Variants in CDKL5 observed in about 807,000 individuals in gnomAD.
CDKL5 encodes the protein cyclin-dependent kinase-like 5.
Under a neutral mutation model 61.7 loss-of-function variants are expected in CDKL5, and 8 were observed. The observed-to-expected ratio is 0.13, with a 90% CI of 0.08 to 0.23. The LOEUF (loss-of-function observed/expected upper bound fraction) is 0.23. Ranked by LOEUF, CDKL5 falls within the 10% of genes least tolerant of loss-of-function variation. CDKL5 has a pLI of 1.00. For synonymous variants in CDKL5, 275 were observed against 272.3 expected (o/e 1.01, Z -0.10); for missense variants, 440 against 734.5 (o/e 0.60, Z 4.63).
chrX:18,590,911 C>T (rs773295252), intron 9 of CDKL5, among the ~76,000 whole-genome samples: 2 of 111,709 alleles, frequency 1.8e-5, no homozygotes, highest in Non-Finnish European at 3.8e-5. Context: ...TGAGACCTTG[C>T]CTGACCTCAT....
chrX:18,646,721 C>T (rs1436125709), intron 20 of CDKL5, among the ~76,000 whole-genome samples: 1 of 111,036 alleles, frequency 9.0e-6, no homozygotes. Flanking sequence ...CTGGAGGTAT[C>T]ATCCCGACTC....
chrX:18,480,857 CTTTTTTTT>C (rs200858035), intron 1 of CDKL5, among the ~76,000 whole-genome samples: 3 of 96,621 alleles, frequency 3.1e-5, no homozygotes, highest in Admixed American at 1.1e-4. Context: ...TTCTTTCTTC[CTTTTTTTT>C]TTTTTTTTTG....
rs911838999 is a variant in CDKL5, at chrX:18,604,004, C to T, written c.1080C>T (p.Leu360=). Residue 360 remains leucine (L), a synonymous_variant, in exon 12 of 18, where the codon CTC becomes CTT. Transcript: ENST00000623535. ...SVGLPRADEG[L]PANESFLNGN... ...GCCTGCCCCGGGCTGACGAAGGTCT[C>T]CCTGCCAATGAAAGCTTCCTAAATG... 11 of 1,209,227 alleles carry T rather than the reference C, an allele frequency of 9.1e-6. No homozygotes were observed. Among genetic ancestry groups the T allele is most frequent in the Non-Finnish European group, 1.2e-5 (11 of 895,061 alleles).
rs2147181950 is a variant in CDKL5 at position 18,632,840 on chromosome X, A to G, written c.*4083A>G. On this transcript the variant is annotated 3_prime_UTR_variant, in exon 18 of 18. Transcript: ENST00000623535. ...AGCCCCTCTTAGTTAAGATCATAGTATCCTCACTTCTTAAACTAGTCTTTA... is the reference window on the plus strand; with the variant it reads ...AGCCCCTCTTAGTTAAGATCATAGTGTCCTCACTTCTTAAACTAGTCTTTA... 1.3e-6 allele frequency: 1 copy of G among 751,985 alleles called. No homozygotes were observed. 62.0% of individuals were successfully genotyped at this position (751,985 alleles called of 1,213,427 possible).
intron 3 of CDKL5, among the ~76,000 whole-genome samples, chrX:18,518,380 C>CTTTTTTTTTTTT (rs1923102920): frequency 4.2e-5 from 1 of 23,539 alleles, no homozygotes; most frequent in Admixed American, 4.6e-4. Flanking sequence ...GTTTTCTTTT[C>CTTTTTTTTTTTT]TTTTCTTATT....
chrX:18,578,831 C>T (rs1472059988), intron 5 of CDKL5, among the ~76,000 whole-genome samples: 1 of 111,805 alleles, frequency 8.9e-6, no homozygotes, highest in Non-Finnish European at 1.9e-5. Context: ...GAAATTTAGT[C>T]AAAGTAATAT....
At chrX:18,434,726 G>A (rs1351927306) in intron 1 of CDKL5, among the ~76,000 whole-genome samples, 5 of 111,181 alleles carry the variant, frequency 4.5e-5, no homozygotes, top group South Asian at 3.8e-4. Flanking sequence ...TCAGGAGTTC[G>A]AGACCAGCCT....
intron 1 of CDKL5, among the ~76,000 whole-genome samples, chrX:18,500,470 T>C (rs937399263): frequency 8.9e-5 from 10 of 112,372 alleles, no homozygotes; most frequent in African/African-American, 2.9e-4. Flanking sequence ...CCAGAAAAGC[T>C]AAAATAGTTT....
intron 1 of CDKL5, among the ~76,000 whole-genome samples, chrX:18,502,330 TAATA>T (rs1260711729): frequency 1.8e-5 from 2 of 112,442 alleles, no homozygotes; most frequent in Non-Finnish European, 3.7e-5. Context: ...CTTAATGAAT[TAATA>T]AATATTTCAT....
intron 5 of CDKL5, among the ~76,000 whole-genome samples, chrX:18,579,000 A>G (rs926263510): frequency 8.9e-6 from 1 of 111,845 alleles, no homozygotes; most frequent in Admixed American, 9.5e-5. Flanking sequence ...ATGCCAACAC[A>G]GTGAAAAAGG....
chrX:18,553,079 C>G (rs1040224657), intron 3 of CDKL5, among the ~76,000 whole-genome samples: 3 of 111,101 alleles, frequency 2.7e-5, no homozygotes, highest in Non-Finnish European at 5.7e-5. Flanking sequence ...GAGGAGCATT[C>G]AGGTACAGGA....
At chrX:18,513,879 A>G (rs1922913343) in intron 3 of CDKL5, among the ~76,000 whole-genome samples, 1 of 111,882 alleles carries the variant, frequency 8.9e-6, no homozygotes, top group Non-Finnish European at 1.9e-5. Flanking sequence ...TTAAAAATGT[A>G]TGTAATCTTC....
chrX:18,525,653 A>G (rs940413256), intron 3 of CDKL5, among the ~76,000 whole-genome samples: 6 of 110,148 alleles, frequency 5.4e-5, no homozygotes, highest in Non-Finnish European at 9.5e-5. Flanking sequence ...GTTTGTCAAT[A>G]TTCACAGAAT....
At chrX:18,501,588 G>A (rs185293130) in intron 1 of CDKL5, among the ~76,000 whole-genome samples, 66 of 110,207 alleles carry the variant, frequency 6.0e-4, no homozygotes, top group African/African-American at 1.7e-3. Flanking sequence ...TCGCTCTGTC[G>A]CCCAGGCTGG....
intron 1 of CDKL5, among the ~76,000 whole-genome samples, chrX:18,506,029 C>G (rs1261238834): frequency 2.7e-5 from 3 of 112,897 alleles, no homozygotes; most frequent in Non-Finnish European, 3.7e-5. Flanking sequence ...TTATTTATGT[C>G]AGTAAGGACT....
In CDKL5 at chrX:18,635,963, T is replaced by C. The variant is rs1927373299; in HGVS notation, c.*7206T>C. On this transcript the variant is annotated 3_prime_UTR_variant, in exon 18 of 18. Coordinates refer to ENST00000623535, the MANE Select transcript of CDKL5 (RefSeq NM_001323289.2). Reference sequence around the variant, plus strand: ...AAGTGTGGCTGTGGTCCCGTAAAACTTTACTTATAGAAACAGGCCATAGTT... The same window carrying C: ...AAGTGTGGCTGTGGTCCCGTAAAACCTTACTTATAGAAACAGGCCATAGTT... 8.9e-6 allele frequency: 1 copy of C among 111,892 alleles called. No homozygotes were observed. The highest frequency in any genetic ancestry group is 9.5e-5 in the Admixed American group (1 of 10,495). The allele number at this position is 111,892 out of a possible 1,213,427, so 9.2% of individuals were successfully genotyped here.
chrX:18,509,337 T>C (rs1049864984), intron 2 of CDKL5, among the ~76,000 whole-genome samples: 5 of 109,952 alleles, frequency 4.5e-5, no homozygotes, highest in African/African-American at 1.7e-4. Flanking sequence ...AATTGGACAA[T>C]TGCCTGGCAA....
chrX:18,551,559 CATTATT>C (rs10659381), intron 3 of CDKL5, among the ~76,000 whole-genome samples: 1,059 of 80,940 alleles, frequency 0.013, 12 homozygotes, highest in African/African-American at 0.034. Flanking sequence ...GATACCTTGA[CATTATT>C]ATTATTATTA....
intron 1 of CDKL5, among the ~76,000 whole-genome samples, chrX:18,483,416 TTCA>T (rs1159345076): frequency 9.0e-6 from 1 of 110,607 alleles, no homozygotes; most frequent in Non-Finnish European, 1.9e-5. Context: ...GGACTGCTTG[TTCA>T]TCATCTTTTT....
Sources: gnomAD v4.1 joint callset for allele counts (sites outside exome capture counted in the v4.1 genomes callset) on GRCh38, gnomAD v4.1.1 for gene constraint, MANE v1.5 for transcripts, NCBI Gene and HGNC (gene_info 2026-07-23, HGNC 2026-07-21) for gene names.